NECAB2: variants seen among roughly 807,000 people sequenced by gnomAD.
The protein encoded by NECAB2 is N-terminal EF-hand calcium-binding protein 2.
NECAB2 carries 68 observed loss-of-function variants against 51.9 expected under a neutral mutation model. The ratio of observed to expected loss-of-function variants is 1.31; its 90% confidence interval spans 1.08 to 1.60. The LOEUF is 1.60. Ranked by LOEUF, NECAB2 falls within the 40% of genes most tolerant of loss-of-function variation. The probability of loss-of-function intolerance (pLI) is 0.00; values close to 1 mark genes in which losing one functional copy is unlikely to be tolerated. For missense variants in NECAB2, 854 were observed against 490.3 expected (o/e 1.74, Z -7.00); for synonymous variants, 329 against 203.5 (o/e 1.62, Z -5.25).
At chr16:83,996,637 C>A (rs17723451) in intron 8 of NECAB2, among the ~76,000 whole-genome samples, 70 of 152,170 alleles carry the variant, frequency 4.6e-4, no homozygotes, top group African/African-American at 1.5e-3. Context: ...CTGACACTTA[C>A]ATGGCTTTCG....
chr16:83,978,436 C>T lies in NECAB2; in HGVS notation c.227-8C>T. The T allele has an allele frequency of 1.2e-6, 2 of 1,611,304 alleles. No homozygotes were observed. The highest frequency in any genetic ancestry group is 1.7e-6 in the Non-Finnish European group (2 of 1,177,734). On this transcript the variant is annotated splice_polypyrimidine_tract_variant and splice_region_variant and intron_variant, in intron 2 of 12. Transcript: ENST00000305202. ...CACCAGCTCCTTTCTCTGCTTCCTT[C>T]CTTGCAGATGATGGGAAGCTGTCCT...
upstream of NECAB2, among the ~76,000 whole-genome samples, chr16:83,966,804 C>A (rs1597186857): frequency 6.6e-6 from 1 of 152,226 alleles, no homozygotes; most frequent in Admixed American, 6.5e-5. Flanking sequence ...TCTTCTGACA[C>A]AAACCCCTCC....
intron 9 of NECAB2, 70 bp downstream of exon 9, chr16:83,997,339 G>A: frequency 6.3e-7 from 1 of 1,595,682 alleles, no homozygotes; most frequent in African/African-American, 1.3e-5. Context: ...AGATCCAAGT[G>A]GCTCAATGCC....
intron 1 of NECAB2, 166 bp from the exon 2 acceptor site, chr16:83,971,984 TC>T: frequency 1.2e-6 from 1 of 864,398 alleles, no homozygotes; most frequent in Non-Finnish European, 1.8e-6. Context: ...CCTCATCAGT[TC>T]CCCCTGGATC....
intron 5 of NECAB2, among the ~76,000 whole-genome samples, chr16:83,985,177 G>A (rs1597209722): frequency 6.6e-6 from 1 of 151,684 alleles, no homozygotes; most frequent in African/African-American, 2.4e-5. Flanking sequence ...GCCGAGCGTG[G>A]TGGCAGGCGC....
Position 84,002,299 on chromosome 16 carries a change from C to CGTGTCTCTCTCCTT in NECAB2, c.1133-18_1133-5dup, listed in dbSNP as rs1359978113. On this transcript the variant is annotated intron_variant, in intron 12 of 12. Transcript: ENST00000305202. ...CCACATTCGCACTCCTTCCCTCTAA[C>CGTGTCTCTCTCCTT]GTGTCTCTCTCCTTTTAGCTGCTTG... 8 of 1,613,686 alleles carry CGTGTCTCTCTCCTT rather than the reference C, an allele frequency of 5.0e-6. No homozygotes were observed. Among genetic ancestry groups the CGTGTCTCTCTCCTT allele is most frequent in the Non-Finnish European group, 6.8e-6 (8 of 1,179,786 alleles).
At position 83,997,201 on chromosome 16, in the gene NECAB2, G is replaced by A; in HGVS notation, c.796-15G>A. The A allele has an allele frequency of 6.2e-7, 1 of 1,614,136 alleles. No homozygotes were observed. The highest frequency in any genetic ancestry group is 1.1e-5 in the South Asian group (1 of 91,090). ...GGCTCTGGGTCTAGCATCACTGTGT[G>A]CTGGATTGTTTCAGGCACTGTGGTT... On this transcript the variant is annotated splice_polypyrimidine_tract_variant and intron_variant, in intron 8 of 12. Coordinates refer to ENST00000305202, the MANE Select transcript of NECAB2 (RefSeq NM_019065.3).
rs112693027 is a variant in NECAB2, at chr16:83,998,796, G to GCCATTCTCC, written c.962+481_962+482insATTCTCCCC. 6.4e-3 allele frequency among the ~76,000 whole-genome samples: 781 copies of GCCATTCTCC among 121,544 alleles called. 5 individuals are homozygous for GCCATTCTCC. The highest frequency in any genetic ancestry group is 0.038 in the African/African-American group (721 of 18,764). 79.7% of individuals were successfully genotyped at this position (121,544 alleles called of 152,430 possible). On this transcript the variant is annotated intron_variant, in intron 10 of 12. Transcript: ENST00000305202. Reference sequence around the variant, plus strand: ...AGGGAAATGCCCAAGTCATGTAGTTGCCCTTCTCCCCCTGATGTGCTGAGA... The same window carrying GCCATTCTCC: ...AGGGAAATGCCCAAGTCATGTAGTTGCCATTCTCCCCCTTCTCCCCCTGATGTGCTGAGA...
At chr16:83,970,352 C>T (rs1666914147) in intron 1 of NECAB2, among the ~76,000 whole-genome samples, 1 of 152,172 alleles carries the variant, frequency 6.6e-6, no homozygotes, top group Admixed American at 6.5e-5. Flanking sequence ...CTGGGACACC[C>T]AGATAGGGAC....
In NECAB2 at chr16:83,981,015, C is replaced by T. The variant is rs1482366048; in HGVS notation, c.362-15C>T. 6.2e-7 allele frequency: 1 copy of T among 1,613,302 alleles called. No homozygotes were observed. Among genetic ancestry groups the T allele is most frequent in the Non-Finnish European group, 8.5e-7 (1 of 1,179,296 alleles). ...CAGGACCTGTGACCCCTGACCTTTG[C>T]CTTTCCTTCCCCAGATTACTTTGTG... On this transcript the variant is annotated splice_polypyrimidine_tract_variant and intron_variant, in intron 4 of 12. Transcript: ENST00000305202.
At chr16:83,973,835 T>C (rs545816715) in intron 2 of NECAB2, among the ~76,000 whole-genome samples, 9 of 152,206 alleles carry the variant, frequency 5.9e-5, no homozygotes, top group African/African-American at 1.9e-4. Context: ...CTGTTGGGAA[T>C]GCGTGTGTCC....
intron 9 of NECAB2, among the ~76,000 whole-genome samples, chr16:83,997,961 G>A (rs1264305278): frequency 2.0e-5 from 3 of 152,194 alleles, no homozygotes; most frequent in African/African-American, 7.2e-5. Flanking sequence ...CATGGATGGG[G>A]CCTCTGTAAA....
rs1317007679 is a variant in NECAB2, at chr16:83,998,330, C to A, written c.962+13C>A. The A allele has an allele frequency of 6.2e-7, 1 of 1,611,554 alleles. No individual in the cohort carries two copies. Among genetic ancestry groups the A allele is most frequent in the African/African-American group, 1.3e-5 (1 of 74,996 alleles). ...GGAACTGCTTCCAGTGAGTGAGCTGCCGAGGCGTGGGTGGGATGGTGGCAG... is the reference window on the plus strand; with the variant it reads ...GGAACTGCTTCCAGTGAGTGAGCTGACGAGGCGTGGGTGGGATGGTGGCAG... On this transcript the variant is annotated intron_variant, in intron 10 of 12. Transcript: ENST00000305202.
intron 5 of NECAB2, among the ~76,000 whole-genome samples, chr16:83,983,791 G>A (rs1018158851): frequency 2.0e-5 from 3 of 152,128 alleles, no homozygotes; most frequent in African/African-American, 4.8e-5. Context: ...ATGATTTTGT[G>A]AAGTGGTTTT....
chr16:83,986,694 T>C (rs1262639462), intron 5 of NECAB2, among the ~76,000 whole-genome samples: 1 of 151,796 alleles, frequency 6.6e-6, no homozygotes, highest in African/African-American at 2.4e-5. Context: ...TTTTTTTTTT[T>C]TTTTTGGTAG....
chr16:83,973,905 G>A (rs1234920353), intron 2 of NECAB2, among the ~76,000 whole-genome samples: 1 of 152,138 alleles, frequency 6.6e-6, no homozygotes, highest in Non-Finnish European at 1.5e-5. Context: ...GTGTGCGTGT[G>A]TGGCTTCCTG....
At chr16:83,981,853 C>G (rs1454940394) in intron 5 of NECAB2, among the ~76,000 whole-genome samples, 3 of 152,180 alleles carry the variant, frequency 2.0e-5, no homozygotes, top group African/African-American at 7.2e-5. Flanking sequence ...GAGGGACCCA[C>G]AGGTGCTCGA....
chr16:83,997,661 T>C (rs2084732935), intron 9 of NECAB2, among the ~76,000 whole-genome samples: 1 of 151,536 alleles, frequency 6.6e-6, no homozygotes, highest in African/African-American at 2.4e-5. Context: ...CTAATTTTTT[T>C]GGTATTTTTA....
In NECAB2 at chr16:83,999,230, G is replaced by A. The variant is rs191818736; in HGVS notation, c.962+913G>A. 1.4e-4 allele frequency among the ~76,000 whole-genome samples: 21 copies of A among 152,124 alleles called. No individual in the cohort carries two copies. In the East Asian group the frequency reaches 2.9e-3, roughly 21 times the overall value. ...AGTGCGGCCGTTCCCGAGACTCGGCGTGGCCACGAGGGGCCATTCTTGAGT... is the reference window on the plus strand; with the variant it reads ...AGTGCGGCCGTTCCCGAGACTCGGCATGGCCACGAGGGGCCATTCTTGAGT... On this transcript the variant is annotated intron_variant, in intron 10 of 12. Transcript: ENST00000305202.
Sources: gnomAD v4.1 joint callset for allele counts (sites outside exome capture counted in the v4.1 genomes callset) on GRCh38, gnomAD v4.1.1 for gene constraint, MANE v1.5 for transcripts, NCBI Gene and HGNC (gene_info 2026-07-23, HGNC 2026-07-21) for gene names.